Variants in MGAT5 observed in about 807,000 individuals in gnomAD.
The protein encoded by MGAT5 is alpha-1,6-mannosylglycoprotein 6-beta-N-acetylglucosaminyltransferase A.
A neutral mutation model predicts 94.3 loss-of-function variants in MGAT5; 30 were observed. The observed-to-expected ratio is 0.32, with a 90% CI of 0.24 to 0.43. The LOEUF is 0.43. Ranked by LOEUF, MGAT5 falls within the 20% of genes least tolerant of loss-of-function variation. The probability of loss-of-function intolerance (pLI) is 1.00; values close to 1 mark genes in which losing one functional copy is unlikely to be tolerated. For synonymous variants in MGAT5, 310 were observed against 322.9 expected (o/e 0.96, Z 0.43); for missense variants, 691 against 905.5 (o/e 0.76, Z 3.04).
chr2:134,313,235 G>A (rs1686800788), intron 2 of MGAT5, among the ~76,000 whole-genome samples: 1 of 152,112 alleles, frequency 6.6e-6, no homozygotes, highest in Non-Finnish European at 1.5e-5. Flanking sequence ...ACGCCTCACA[G>A]GAACACCCCC....
intron 2 of MGAT5, among the ~76,000 whole-genome samples, chr2:134,307,932 A>C (rs533920903): frequency 1.3e-5 from 2 of 152,256 alleles, no homozygotes; most frequent in South Asian, 4.1e-4. Context: ...GGGCCACTCA[A>C]ATAAGAATGC....
At chr2:134,292,940 C>T (rs541112592) in intron 2 of MGAT5, among the ~76,000 whole-genome samples, 25 of 152,204 alleles carry the variant, frequency 1.6e-4, no homozygotes, top group Admixed American at 3.9e-4. Flanking sequence ...AAGGTGGGGT[C>T]TCCAAACAGA....
intron 8 of MGAT5, among the ~76,000 whole-genome samples, chr2:134,349,379 G>A (rs995449920): frequency 6.6e-5 from 10 of 152,142 alleles, no homozygotes; most frequent in Non-Finnish European, 1.3e-4. Flanking sequence ...GATAACACGT[G>A]TCATATGCTT....
chr2:134,153,723 CCACT>C (rs1367427946), intron 1 of MGAT5, among the ~76,000 whole-genome samples: 4 of 152,106 alleles, frequency 2.6e-5, no homozygotes, highest in Non-Finnish European at 2.9e-5. Context: ...GGTGATTAAG[CCACT>C]CACTCAGAGT....
intron 9 of MGAT5, among the ~76,000 whole-genome samples, chr2:134,360,377 TCA>T (rs1680007648): frequency 1.3e-5 from 2 of 152,186 alleles, no homozygotes; most frequent in Admixed American, 1.3e-4. Context: ...GGGGGCTGAA[TCA>T]TTTTATTTTT....
At chr2:134,443,512 C>T (rs1316058734) in intron 15 of MGAT5, among the ~76,000 whole-genome samples, 1 of 152,180 alleles carries the variant, frequency 6.6e-6, no homozygotes, top group Non-Finnish European at 1.5e-5. Context: ...TATTTTTTTC[C>T]TGGTCTTTTT....
At chr2:134,141,347 G>A (rs1004469665) in intron 1 of MGAT5, among the ~76,000 whole-genome samples, 3 of 152,190 alleles carry the variant, frequency 2.0e-5, no homozygotes, top group Admixed American at 6.5e-5. Context: ...ACATGTTTTT[G>A]TCTGCCTCCA....
At chr2:134,141,567 C>T (rs1280724272) in intron 1 of MGAT5, among the ~76,000 whole-genome samples, 3 of 151,964 alleles carry the variant, frequency 2.0e-5, no homozygotes, top group East Asian at 1.9e-4. Flanking sequence ...ACAAGGTCTT[C>T]GGGGAGCTTA....
At chr2:134,269,133 T>G (rs1006516828) in intron 1 of MGAT5, among the ~76,000 whole-genome samples, 1 of 152,180 alleles carries the variant, frequency 6.6e-6, no homozygotes, top group Non-Finnish European at 1.5e-5. Flanking sequence ...TACCTGAGCC[T>G]GGGTAATTTA....
chr2:134,422,587 G>A (rs1046961079), intron 12 of MGAT5, among the ~76,000 whole-genome samples: 2 of 152,128 alleles, frequency 1.3e-5, no homozygotes, highest in African/African-American at 4.8e-5. Flanking sequence ...TTGTCACCTG[G>A]TTGTGACATT....
At chr2:134,207,638 G>A (rs1680078442) in intron 1 of MGAT5, among the ~76,000 whole-genome samples, 1 of 152,094 alleles carries the variant, frequency 6.6e-6, no homozygotes, top group Non-Finnish European at 1.5e-5. Flanking sequence ...ACTTCTGCTA[G>A]GATCAGAAGA....
chr2:134,401,029 C>A (rs1683018647), intron 10 of MGAT5, among the ~76,000 whole-genome samples: 1 of 152,106 alleles, frequency 6.6e-6, no homozygotes, highest in South Asian at 2.1e-4. Context: ...TCCTCTGTCT[C>A]TCTGCTTTCT....
rs139709115 is a variant in MGAT5 at position 134,427,633 on chromosome 2, A to C, written c.1795-732A>C. Among the ~76,000 whole-genome samples the C allele has an allele frequency of 6.0e-4, 92 of 152,312 alleles. 2 individuals carry two copies. In the East Asian group the frequency reaches 0.013, roughly 21 times the overall value. ...GCTGTCCTTTCATGTTAAAGACCAC[A>C]CTACTTGTTCACCAAGGATGTCTTC... On this transcript the variant is annotated intron_variant, in intron 13 of 15. Coordinates refer to ENST00000281923, the MANE Select transcript of MGAT5 (RefSeq NM_002410.5).
At chr2:134,386,026 G>A (rs564423975) in intron 10 of MGAT5, among the ~76,000 whole-genome samples, 9 of 152,238 alleles carry the variant, frequency 5.9e-5, no homozygotes, top group South Asian at 2.1e-4. Flanking sequence ...GTTATCCGGC[G>A]GAACCACAAC....
At chr2:134,387,209 C>T (rs907871928) in intron 10 of MGAT5, among the ~76,000 whole-genome samples, 11 of 149,208 alleles carry the variant, frequency 7.4e-5, no homozygotes, top group Admixed American at 6.0e-4. Context: ...TGCAGTGAGC[C>T]GAGATTGCTC....
At position 134,227,710 on chromosome 2, in the gene MGAT5, C is replaced by T. The variant is rs184580104; in HGVS notation, c.-142-26552C>T. Among the ~76,000 whole-genome samples the T allele has an allele frequency of 2.2e-3, 337 of 152,154 alleles. 3 individuals carry two copies. Among genetic ancestry groups the T allele is most frequent in the Non-Finnish European group, 1.2e-3 (82 of 68,020 alleles). On this transcript the variant is annotated intron_variant, in intron 1 of 16. Transcript: ENST00000409645. ...GAAGGCTCTTGGTTTACTCTAGGAT[C>T]CTCTTCAGCTGTGATTTTCTTAGCA...
intron 12 of MGAT5, among the ~76,000 whole-genome samples, chr2:134,418,241 T>C (rs1684085978): frequency 6.6e-6 from 1 of 152,214 alleles, no homozygotes; most frequent in African/African-American, 2.4e-5. Context: ...TAATTTACTT[T>C]TTGCTGAGGT....
At chr2:134,349,083 A>T (rs1003871927) in intron 8 of MGAT5, among the ~76,000 whole-genome samples, 3 of 152,222 alleles carry the variant, frequency 2.0e-5, no homozygotes, top group Admixed American at 2.0e-4. Context: ...TAATTTGTAC[A>T]TGTCACAAAA....
Position 134,336,265 on chromosome 2 carries a change from G to A in MGAT5, c.622G>A (p.Glu208Lys), listed in dbSNP as rs149741126. 4 of 1,612,602 alleles carry A rather than the reference G, an allele frequency of 2.5e-6. No individual in the cohort carries two copies. Among genetic ancestry groups the A allele is most frequent in the Admixed American group, 1.7e-5 (1 of 59,882 alleles). ...HLPWRAKNPY[E>K]EADHNSLAEI... ...ACCTTGGAGAGCAAAAAATCCCTACGAAGAAGCTGATCATAATTCATTGGT... is the reference window on the plus strand; with the variant it reads ...ACCTTGGAGAGCAAAAAATCCCTACAAAGAAGCTGATCATAATTCATTGGT... Residue 208 changes from glutamate to lysine, a missense_variant, in exon 5 of 16, where the codon GAA becomes AAA. Physicochemically the swap from Glu to Lys is moderately conservative, Grantham distance 56. Transcript: ENST00000281923.
Sources: gnomAD v4.1 joint callset for allele counts (sites outside exome capture counted in the v4.1 genomes callset) on GRCh38, gnomAD v4.1.1 for gene constraint, MANE v1.5 for transcripts, NCBI Gene and HGNC (gene_info 2026-07-23, HGNC 2026-07-21) for gene names.